The following ASB7 variants were observed in gnomAD, a reference collection of about 807,000 sequenced individuals.
The protein encoded by ASB7 is ankyrin repeat and SOCS box containing 7, also known as ankyrin repeat and SOCS box protein 7.
In ASB7, 4 loss-of-function variants were observed where a neutral mutation model predicts 32.5. The ratio of observed to expected loss-of-function variants is 0.12; its 90% CI spans 0.06 to 0.28. ASB7 has a LOEUF of 0.28. Among genes scored for constraint, ASB7 ranks in the 10% least tolerant of loss-of-function variants. ASB7 has a pLI of 1.00. For synonymous variants in ASB7, 172 were observed against 155.6 expected, an observed-to-expected ratio of 1.11 and a Z score of -0.78; for missense variants, 181 against 407.1, an observed-to-expected ratio of 0.44 and a Z score of 4.78.
At chr15:100,608,242 T>A (rs569062215) in intron 2 of ASB7, among the ~76,000 whole-genome samples, 1 of 152,342 alleles carries the variant, frequency 6.6e-6, no homozygotes, top group East Asian at 1.9e-4. Context: ...GCTTTGGATT[T>A]ACAGAACAAT....
intron 4 of ASB7, among the ~76,000 whole-genome samples, chr15:100,626,920 C>T (rs1028980917): frequency 2.6e-5 from 4 of 152,014 alleles, no homozygotes; most frequent in Non-Finnish European, 5.9e-5. Flanking sequence ...CAGTGGTTTG[C>T]CTGGGACCCA....
At position 100,620,937 on chromosome 15, in the gene ASB7, C is replaced by T. The variant is rs553090876; in HGVS notation, c.212-8500C>T. Among the ~76,000 whole-genome samples, 10 of 152,014 alleles carry T rather than the reference C, an allele frequency of 6.6e-5. No individual in the cohort carries two copies. In the South Asian group the frequency reaches 1.0e-3, roughly 16 times the overall value. ...CCCAGAGGAACCTGAGAAAACCTCT[C>T]GATAAAGTAGGTAAAATCCTTTTGG... On this transcript the variant is annotated intron_variant, in intron 4 of 5. Transcript: ENST00000332783.
At chr15:100,643,417 C>T (rs962898914) in intron 5 of ASB7, among the ~76,000 whole-genome samples, 3 of 147,654 alleles carry the variant, frequency 2.0e-5, no homozygotes, top group African/African-American at 7.5e-5. Context: ...CAGTCTGTCA[C>T]AAAACAAATC....
At chr15:100,641,897 T>C (rs112162746) in intron 5 of ASB7, among the ~76,000 whole-genome samples, 10,694 of 152,294 alleles carry the variant, frequency 0.07, 419 homozygotes, top group Middle Eastern at 0.11. Context: ...GTGATTATTA[T>C]GAGAACACAG....
chr15:100,603,160 TC>T (rs959931280), intron 1 of ASB7, 54 bp from the exon 2 acceptor site: 13 of 389,914 alleles, frequency 3.3e-5, no homozygotes, highest in East Asian at 1.1e-4. Context: ...TTTCCTGAGC[TC>T]CCCCCTCCCC....
At chr15:100,612,579 C>T in intron 4 of ASB7, 152 bp downstream of exon 4, 1 of 753,960 alleles carries the variant, frequency 1.3e-6, no homozygotes. Flanking sequence ...TATAAGTGTG[C>T]CTTTTTGTTT....
intron 5 of ASB7, among the ~76,000 whole-genome samples, chr15:100,647,969 C>T (rs2040007659): frequency 6.6e-6 from 1 of 152,186 alleles, no homozygotes; most frequent in Admixed American, 6.5e-5. Flanking sequence ...GGACGAGAAC[C>T]AGAATTTTCC....
At chr15:100,604,993 A>G (rs1215952620) in intron 2 of ASB7, among the ~76,000 whole-genome samples, 2 of 152,214 alleles carry the variant, frequency 1.3e-5, no homozygotes, top group East Asian at 3.8e-4. Context: ...TTTCATTTCT[A>G]AAGAGTAGTT....
At chr15:100,621,874 A>C (rs1050700796) in intron 4 of ASB7, among the ~76,000 whole-genome samples, 17 of 152,052 alleles carry the variant, frequency 1.1e-4, no homozygotes, top group African/African-American at 3.9e-4. Flanking sequence ...AAAAAAGAAA[A>C]CAGGAGAAAA....
chr15:100,626,795 C>T (rs765009226), intron 4 of ASB7, among the ~76,000 whole-genome samples: 15 of 152,034 alleles, frequency 9.9e-5, no homozygotes, highest in Non-Finnish European at 2.2e-4. Flanking sequence ...AGTGAACTGT[C>T]GATACAACAT....
At chr15:100,636,591 G>GT (rs1187228322) in intron 5 of ASB7, among the ~76,000 whole-genome samples, 1 of 152,058 alleles carries the variant, frequency 6.6e-6, no homozygotes, top group Non-Finnish European at 1.5e-5. Context: ...TTGACAAGAT[G>GT]TTTAACACTC....
At chr15:100,623,168 G>A (rs2039808489) in intron 4 of ASB7, among the ~76,000 whole-genome samples, 1 of 152,190 alleles carries the variant, frequency 6.6e-6, no homozygotes, top group African/African-American at 2.4e-5. Context: ...GGAGGCTGAG[G>A]TGGGTGGATC....
intron 5 of ASB7, among the ~76,000 whole-genome samples, chr15:100,633,433 C>T (rs1410668698): frequency 3.3e-5 from 5 of 151,890 alleles, no homozygotes; most frequent in East Asian, 1.9e-4. Context: ...AAAAATTAGC[C>T]GGGCATGGTG....
chr15:100,623,363 A>G (rs2039809626), intron 4 of ASB7, among the ~76,000 whole-genome samples: 1 of 152,252 alleles, frequency 6.6e-6, no homozygotes, highest in Admixed American at 6.5e-5. Flanking sequence ...AGATCATGCC[A>G]CTGCACTGCA....
chr15:100,610,981 G>T (rs2039690830), intron 3 of ASB7, among the ~76,000 whole-genome samples: 1 of 152,196 alleles, frequency 6.6e-6, no homozygotes, highest in South Asian at 2.1e-4. Context: ...ACACATGTAA[G>T]ATGCAACTTT....
intron 5 of ASB7, among the ~76,000 whole-genome samples, chr15:100,641,185 T>C (rs187920307): frequency 6.6e-6 from 1 of 152,358 alleles, no homozygotes; most frequent in East Asian, 1.9e-4. Flanking sequence ...TTTCTCTGCC[T>C]TCTCTTCTTC....
At chr15:100,608,303 TAAC>T (rs1375433457) in intron 2 of ASB7, among the ~76,000 whole-genome samples, 2 of 152,246 alleles carry the variant, frequency 1.3e-5, no homozygotes, top group Non-Finnish European at 2.9e-5. Context: ...TTTCTCCTAC[TAAC>T]ATCTTATATT....
Position 100,629,418 on chromosome 15 carries a change from A to C in ASB7, c.212-19A>C. ...TGTCTTGGAGTCTGCTAATACTTTC[A>C]TTTTGGTTTTAACTCCAGCTGATCC... On this transcript the variant is annotated intron_variant, in intron 4 of 5. Coordinates refer to ENST00000332783, the MANE Select transcript of ASB7 (RefSeq NM_198243.3). The surrounding 1 kb of genome is among the most constrained non-coding windows in gnomAD (Gnocchi z 6.8). 1 of 1,585,844 alleles carries C rather than the reference A, an allele frequency of 6.3e-7. No homozygotes were observed. Among genetic ancestry groups the C allele is most frequent in the Non-Finnish European group, 8.6e-7 (1 of 1,160,144 alleles).
chr15:100,646,388 T>C, intron 5 of ASB7: 2 of 393,016 alleles, frequency 5.1e-6, no homozygotes, highest in Non-Finnish European at 1.1e-5. Context: ...TGGGGTGCGG[T>C]GTACTTCTCC....
Sources: allele counts gnomAD v4.1 joint callset (sites outside exome capture counted in the v4.1 genomes callset), GRCh38; gene constraint gnomAD v4.1.1; non-coding constraint Gnocchi (gnomAD v3.1); transcripts MANE v1.5; gene names NCBI Gene and HGNC (gene_info 2026-07-23, HGNC 2026-07-21).